SEMA3E: variants seen among roughly 807,000 people sequenced by gnomAD.
The protein encoded by SEMA3E is semaphorin 3E, also known as semaphorin-3E.
Under a neutral mutation model 93.6 loss-of-function variants are expected in SEMA3E, and 49 were observed. That is an observed-to-expected ratio of 0.52 (90% CI 0.42 to 0.66). The LOEUF (loss-of-function observed/expected upper bound fraction) is 0.66. SEMA3E is among the 30% of genes least tolerant of loss of function. SEMA3E has a pLI of 0.00. For missense variants in SEMA3E, 906 were observed against 964.8 expected, an observed-to-expected ratio of 0.94 and a Z score of 0.81; for synonymous variants, 363 against 330.7, an observed-to-expected ratio of 1.10 and a Z score of -1.06.
chr7:83,368,815 G>A (rs920628361), intron 16 of SEMA3E, among the ~76,000 whole-genome samples: 4 of 152,182 alleles, frequency 2.6e-5, no homozygotes, highest in Admixed American at 1.3e-4. Context: ...GGCTTTCAAC[G>A]AATAGCTCAT....
intron 4 of SEMA3E, among the ~76,000 whole-genome samples, chr7:83,455,042 G>C (rs1002258642): frequency 6.6e-6 from 1 of 152,182 alleles, no homozygotes; most frequent in African/African-American, 2.4e-5. Context: ...TATCCAAATA[G>C]CTGTGCTGCT....
intron 1 of SEMA3E, among the ~76,000 whole-genome samples, chr7:83,523,993 A>G (rs761749408): frequency 5.9e-5 from 9 of 152,132 alleles, no homozygotes; most frequent in Non-Finnish European, 1.2e-4. Context: ...AAATCTCATA[A>G]CAGAGAAACA....
chr7:83,434,854 C>T (rs1192209116), intron 4 of SEMA3E, among the ~76,000 whole-genome samples: 2 of 150,134 alleles, frequency 1.3e-5, no homozygotes, highest in East Asian at 2.0e-4. Context: ...GCTGGGACTA[C>T]AGGCGCCCGC....
At chr7:83,446,792 A>T (rs1789240190) in intron 4 of SEMA3E, among the ~76,000 whole-genome samples, 1 of 152,202 alleles carries the variant, frequency 6.6e-6, no homozygotes, top group Non-Finnish European at 1.5e-5. Context: ...TTAAGAAGTG[A>T]CTTCATTTCT....
chr7:83,398,397 T>C (rs896326774), intron 11 of SEMA3E, among the ~76,000 whole-genome samples: 1 of 152,192 alleles, frequency 6.6e-6, no homozygotes, highest in African/African-American at 2.4e-5. Flanking sequence ...AATACTTTAA[T>C]TACTTTTATC....
chr7:83,375,268 T>C (rs1299386936), intron 16 of SEMA3E, among the ~76,000 whole-genome samples: 2 of 152,138 alleles, frequency 1.3e-5, no homozygotes, highest in Non-Finnish European at 2.9e-5. Context: ...TTAAAATGTC[T>C]CTAAAATATA....
At chr7:83,428,054 T>C (rs922691607) in intron 4 of SEMA3E, among the ~76,000 whole-genome samples, 8 of 152,184 alleles carry the variant, frequency 5.3e-5, no homozygotes, top group African/African-American at 1.9e-4. Context: ...GGCAGATACA[T>C]GTGTCTGTCA....
intron 1 of SEMA3E, among the ~76,000 whole-genome samples, chr7:83,520,882 C>T (rs1387990897): frequency 6.6e-6 from 1 of 152,130 alleles, no homozygotes; most frequent in East Asian, 1.9e-4. Flanking sequence ...TGGAATATTG[C>T]CAGCATTGCT....
chr7:83,571,163 C>A (rs1792279300), intron 1 of SEMA3E, among the ~76,000 whole-genome samples: 1 of 151,976 alleles, frequency 6.6e-6, no homozygotes, highest in East Asian at 1.9e-4. Flanking sequence ...ACAACTTATA[C>A]CAATTCTACT....
intron 16 of SEMA3E, chr7:83,373,167 C>A (rs905263376): frequency 7.9e-5 from 12 of 151,746 alleles, no homozygotes; most frequent in African/African-American, 2.7e-4. Flanking sequence ...AGTAATTGAA[C>A]AAAGAACTCT....
At chr7:83,480,402 T>C (rs947864141) in intron 2 of SEMA3E, among the ~76,000 whole-genome samples, 1 of 152,138 alleles carries the variant, frequency 6.6e-6, no homozygotes, top group Non-Finnish European at 1.5e-5. Flanking sequence ...TACTCCAGCC[T>C]GGGTGACAGA....
intron 1 of SEMA3E, among the ~76,000 whole-genome samples, chr7:83,590,493 T>G (rs2115943309): frequency 6.6e-6 from 1 of 152,288 alleles, no homozygotes. Context: ...CTCACCATTG[T>G]TAGGTGTACA....
intron 1 of SEMA3E, among the ~76,000 whole-genome samples, chr7:83,640,995 AG>A (rs1285235689): frequency 6.6e-6 from 1 of 152,120 alleles, no homozygotes; most frequent in East Asian, 1.9e-4. Context: ...GTAGAGAAAA[AG>A]GTGGAGGAGA....
chr7:83,452,004 C>G (rs1789370108), intron 4 of SEMA3E, among the ~76,000 whole-genome samples: 1 of 152,122 alleles, frequency 6.6e-6, no homozygotes, highest in Non-Finnish European at 1.5e-5. Context: ...TTTGCTGTAG[C>G]CTCAGGATTA....
intron 2 of SEMA3E, among the ~76,000 whole-genome samples, chr7:83,487,768 A>G (rs1015778112): frequency 3.3e-5 from 5 of 151,596 alleles, no homozygotes; most frequent in Non-Finnish European, 7.4e-5. Context: ...ATTAGTATAC[A>G]TATGTTTGAA....
At chr7:83,414,788 T>C (rs1417843130) in intron 5 of SEMA3E, among the ~76,000 whole-genome samples, 1 of 152,068 alleles carries the variant, frequency 6.6e-6, no homozygotes, top group African/African-American at 2.4e-5. Flanking sequence ...CAGGGTGTTT[T>C]TTTCCCCAAA....
At chr7:83,631,807 A>T (rs1793791528) in intron 1 of SEMA3E, among the ~76,000 whole-genome samples, 1 of 152,220 alleles carries the variant, frequency 6.6e-6, no homozygotes, top group African/African-American at 2.4e-5. Context: ...GCAATCAAAT[A>T]AAATGGCATA....
chr7:83,590,122 C>G (rs937340804), intron 1 of SEMA3E, among the ~76,000 whole-genome samples: 2 of 152,008 alleles, frequency 1.3e-5, no homozygotes, highest in Non-Finnish European at 2.9e-5. Context: ...TCTTAAGATA[C>G]AAGATTAGTA....
rs189105880 is a variant in SEMA3E, at chr7:83,498,546, C to T, written c.116-8272G>A. Among the ~76,000 whole-genome samples, 512 of 151,838 alleles carry T rather than the reference C, an allele frequency of 3.4e-3. 1 individual carries two copies. The highest frequency in any genetic ancestry group is 0.011 in the African/African-American group (456 of 41,384). On this transcript the variant is annotated intron_variant, in intron 1 of 16. Transcript: ENST00000643230. Reference sequence around the variant, plus strand: ...CCGCTGGAGTGCAGTGGTGCGATCTCGGCTCACTGCAGCCTCCACCTCCTG... The same window carrying T: ...CCGCTGGAGTGCAGTGGTGCGATCTTGGCTCACTGCAGCCTCCACCTCCTG...
Sources: gnomAD v4.1 joint callset for allele counts (sites outside exome capture counted in the v4.1 genomes callset) on GRCh38, gnomAD v4.1.1 for gene constraint, MANE v1.5 for transcripts, NCBI Gene and HGNC (gene_info 2026-07-23, HGNC 2026-07-21) for gene names.